PSD3: variants seen among roughly 807,000 people sequenced by gnomAD.
PSD3 encodes PH and SEC7 domain-containing protein 3.
A neutral mutation model predicts 105.5 loss-of-function variants in PSD3; 49 were observed. That is an observed-to-expected ratio of 0.46 (90% CI 0.37 to 0.59). The LOEUF (loss-of-function observed/expected upper bound fraction) is 0.59. PSD3 is among the 20% of genes least tolerant of loss of function. PSD3 has a pLI of 0.00. For synonymous variants in PSD3, 557 were observed against 457.8 expected (o/e 1.22, Z -2.77); for missense variants, 1,561 against 1,263.8 (o/e 1.24, Z -3.57).
At chr8:19,069,412 G>A (rs1829180957) in intron 1 of PSD3, among the ~76,000 whole-genome samples, 1 of 152,152 alleles carries the variant, frequency 6.6e-6, no homozygotes, top group South Asian at 2.1e-4. Flanking sequence ...GAGGGGGCCA[G>A]CCAAGTTGAC....
chr8:18,838,520 G>A (rs565204693), intron 4 of PSD3, among the ~76,000 whole-genome samples: 13 of 152,126 alleles, frequency 8.5e-5, no homozygotes, highest in South Asian at 4.2e-4. Context: ...ATAATGTTCC[G>A]GCTGAGCGTG....
chr8:18,800,192 T>G (rs555605145), intron 7 of PSD3, among the ~76,000 whole-genome samples: 1 of 152,348 alleles, frequency 6.6e-6, no homozygotes, highest in Admixed American at 6.5e-5. Flanking sequence ...TTTCTTATTT[T>G]ATCCAAGAAT....
intron 8 of PSD3, among the ~76,000 whole-genome samples, chr8:18,782,457 T>C (rs531967591): frequency 6.6e-6 from 1 of 152,220 alleles, no homozygotes; most frequent in African/African-American, 2.4e-5. Flanking sequence ...GTGGTGTCTA[T>C]GAGTTCCTCA....
At chr8:18,922,347 T>C (rs1229033063) in intron 2 of PSD3, among the ~76,000 whole-genome samples, 4 of 152,148 alleles carry the variant, frequency 2.6e-5, no homozygotes, top group Non-Finnish European at 5.9e-5. Context: ...AAATGGCTAA[T>C]AAGCACATGA....
chr8:18,947,163 G>A (rs1012403321), intron 1 of PSD3, among the ~76,000 whole-genome samples: 2 of 152,100 alleles, frequency 1.3e-5, no homozygotes, highest in Non-Finnish European at 2.9e-5. Context: ...CCTCTCAAGA[G>A]TAGAGAGCTT....
chr8:18,986,735 G>A (rs572646154), intron 1 of PSD3, among the ~76,000 whole-genome samples: 11 of 152,146 alleles, frequency 7.2e-5, no homozygotes, highest in African/African-American at 2.2e-4. Context: ...ACGGGCTAAC[G>A]TAGCCATTTG....
At position 18,901,312 on chromosome 8, in the gene PSD3, T is replaced by C. The variant is rs74802449; in HGVS notation, c.131-28579A>G. On this transcript the variant is annotated intron_variant, in intron 2 of 15. Coordinates refer to ENST00000327040, the MANE Select transcript of PSD3 (RefSeq NM_015310.4). ...TGCAGGTCAAAACCTGTGTTGTTAA[T>C]AGTCAACAGGTAAAGTGAGTTTCTT... 3.8e-3 allele frequency among the ~76,000 whole-genome samples: 574 copies of C among 152,320 alleles called. 6 individuals are homozygous for C. The highest frequency in any genetic ancestry group is 0.013 in the African/African-American group (559 of 41,574).
At chr8:18,799,631 C>G (rs1274626400) in intron 7 of PSD3, among the ~76,000 whole-genome samples, 1 of 152,156 alleles carries the variant, frequency 6.6e-6, no homozygotes, top group South Asian at 2.1e-4. Flanking sequence ...TTTGATACAA[C>G]AAATCGGCTT....
chr8:18,971,671 T>A (rs541797142), intron 1 of PSD3, among the ~76,000 whole-genome samples: 3 of 152,020 alleles, frequency 2.0e-5, no homozygotes, highest in African/African-American at 7.2e-5. Context: ...CATGGAGGGA[T>A]GTGGAAAATA....
At chr8:18,883,784 T>A (rs530611550) in intron 2 of PSD3, among the ~76,000 whole-genome samples, 1 of 152,320 alleles carries the variant, frequency 6.6e-6, no homozygotes, top group Non-Finnish European at 1.5e-5. Flanking sequence ...AAGGGTCTTA[T>A]AATCTATTTC....
intron 8 of PSD3, among the ~76,000 whole-genome samples, chr8:18,777,178 G>A (rs1345277164): frequency 6.6e-6 from 1 of 151,974 alleles, no homozygotes; most frequent in Non-Finnish European, 1.5e-5. Context: ...GTGTAGCTGG[G>A]ACTACAGGCA....
intron 1 of PSD3, among the ~76,000 whole-genome samples, chr8:19,020,566 G>A (rs1055845544): frequency 3.3e-5 from 5 of 152,190 alleles, no homozygotes; most frequent in African/African-American, 7.2e-5. Context: ...ATTTTGAGCA[G>A]AGGGGTAGGA....
intron 10 of PSD3, among the ~76,000 whole-genome samples, chr8:18,648,830 G>A (rs1285574675): frequency 6.6e-6 from 1 of 152,236 alleles, no homozygotes; most frequent in Non-Finnish European, 1.5e-5. Context: ...CTACAGCTGT[G>A]GCTAAAAGGG....
At chr8:19,082,565 T>G (rs111543140) in intron 1 of PSD3, among the ~76,000 whole-genome samples, 7 of 152,130 alleles carry the variant, frequency 4.6e-5, no homozygotes, top group African/African-American at 1.7e-4. Context: ...GATGTCGGGG[T>G]CCCATTTGCA....
intron 2 of PSD3, among the ~76,000 whole-genome samples, chr8:18,931,482 A>G (rs1821746123): frequency 6.6e-6 from 1 of 152,242 alleles, no homozygotes; most frequent in South Asian, 2.1e-4. Flanking sequence ...CTTAGACAAT[A>G]CAAGTTAGAA....
In PSD3 at chr8:18,535,712, A is replaced by G. The variant is rs1172777750; in HGVS notation, c.*31T>C. 1 of 1,543,298 alleles carries G rather than the reference A, an allele frequency of 6.5e-7. No individual in the cohort carries two copies. Among genetic ancestry groups the G allele is most frequent in the Admixed American group, 1.7e-5 (1 of 59,868 alleles). On this transcript the variant is annotated 3_prime_UTR_variant, in exon 16 of 16. Transcript: ENST00000327040. ...ATCTTGAAAAACCCTATTTTGCTCCATGACCAGCACTTCCTGGCCGCAGAT... is the reference window on the plus strand; with the variant it reads ...ATCTTGAAAAACCCTATTTTGCTCCGTGACCAGCACTTCCTGGCCGCAGAT...
rs1799829892 is a variant in PSD3 at position 18,536,085 on chromosome 8, C to A, written c.2929-127G>T. ...TGAAGACTTCGCTTCATTTCCCAAA[C>A]TGACAAATTACTTGGGCACTTACTG... On this transcript the variant is annotated intron_variant, in intron 15 of 15. Coordinates refer to ENST00000327040, the MANE Select transcript of PSD3 (RefSeq NM_015310.4). The A allele has an allele frequency of 6.9e-6, 6 of 873,676 alleles. No individual in the cohort carries two copies. In the South Asian group the frequency reaches 9.7e-5, roughly 14 times the overall value. 54.1% of individuals were successfully genotyped at this position (873,676 alleles called of 1,614,324 possible).
chr8:18,867,771 T>A lies in PSD3; in HGVS notation c.1537A>T (p.Ile513Phe). 6.2e-7 allele frequency: 1 copy of A among 1,614,114 alleles called. No individual in the cohort carries two copies. Among genetic ancestry groups the A allele is most frequent in the Non-Finnish European group, 8.5e-7 (1 of 1,179,998 alleles). Reference sequence around the variant, plus strand: ...ACGCCACTAGAATAGCCCATCACGATGCCACCATCTGCAGACACACTCAGG... The same window carrying A: ...ACGCCACTAGAATAGCCCATCACGAAGCCACCATCTGCAGACACACTCAGG... ...DILSVSADGG[I>F]VMGYSSGVTN... The change falls in exon 4 of 16, where the codon ATC (isoleucine) becomes TTC (phenylalanine). Residue 513 changes from isoleucine (I) to phenylalanine (F), a missense_variant. Ile to Phe is a conservative substitution (Grantham distance 21, BLOSUM62 0). Coordinates refer to ENST00000327040, the MANE Select transcript of PSD3 (RefSeq NM_015310.4).
At chr8:18,603,879 C>A (rs1452182109) in intron 11 of PSD3, among the ~76,000 whole-genome samples, 60 of 152,168 alleles carry the variant, frequency 3.9e-4, no homozygotes. Flanking sequence ...TTCCTGAGGC[C>A]TTCCCAGAAG....
Sources: gnomAD v4.1 joint callset for allele counts (sites outside exome capture counted in the v4.1 genomes callset) on GRCh38, gnomAD v4.1.1 for gene constraint, MANE v1.5 for transcripts, NCBI Gene and HGNC (gene_info 2026-07-23, HGNC 2026-07-21) for gene names.